The following GLI3 variants were observed in gnomAD, a reference collection of about 807,000 sequenced individuals.
GLI3 encodes transcription activator GLI3.
Under a neutral mutation model 100.8 loss-of-function variants are expected in GLI3, and 20 were observed. The ratio of observed to expected loss-of-function variants is 0.20; its 90% confidence interval spans 0.14 to 0.29. The LOEUF is 0.29. Ranked by LOEUF, GLI3 falls within the 10% of genes least tolerant of loss-of-function variation. The pLI is 1.00. For synonymous variants in GLI3, 938 were observed against 860.5 expected, an observed-to-expected ratio of 1.09 and a Z score of -1.58; for missense variants, 2,040 against 2,128.5, an observed-to-expected ratio of 0.96 and a Z score of 0.82.
intron 1 of GLI3, among the ~76,000 whole-genome samples, chr7:42,231,897 CAAA>C (rs59256693): frequency 0.088 from 11,098 of 125,922 alleles, 1,038 homozygotes; most frequent in African/African-American, 0.25. Context: ...ATGCAATCTT[CAAA>C]AAAAAAAAAA....
chr7:42,127,231 C>A (rs1786156326), intron 3 of GLI3, among the ~76,000 whole-genome samples: 1 of 152,224 alleles, frequency 6.6e-6, no homozygotes, highest in African/African-American at 2.4e-5. Context: ...CAGAGCTGAT[C>A]CCAGGCTTGC....
intron 2 of GLI3, among the ~76,000 whole-genome samples, chr7:42,200,673 C>T (rs1788020020): frequency 6.6e-6 from 1 of 152,144 alleles, no homozygotes; most frequent in Non-Finnish European, 1.5e-5. Flanking sequence ...TCATTTTGGA[C>T]AGGCTGGTCT....
chr7:42,098,010 T>A (rs1463985775), intron 3 of GLI3, among the ~76,000 whole-genome samples: 1 of 152,186 alleles, frequency 6.6e-6, no homozygotes, highest in Non-Finnish European at 1.5e-5. Flanking sequence ...GATCAGATTA[T>A]GCTCAGAGAG....
intron 2 of GLI3, among the ~76,000 whole-genome samples, chr7:42,194,892 G>A (rs1375517313): frequency 6.6e-6 from 1 of 150,774 alleles, no homozygotes. Flanking sequence ...TCAGCCTCCC[G>A]AGTAACTGGG....
At chr7:42,258,680 A>G (rs1260427456) in intron 1 of GLI3, among the ~76,000 whole-genome samples, 3 of 152,200 alleles carry the variant, frequency 2.0e-5, no homozygotes, top group African/African-American at 4.8e-5. Flanking sequence ...TTCTTGATTG[A>G]TGAATGGCCA....
intron 3 of GLI3, among the ~76,000 whole-genome samples, chr7:42,129,860 C>T (rs1291333326): frequency 1.3e-5 from 2 of 152,122 alleles, no homozygotes; most frequent in East Asian, 3.9e-4. Flanking sequence ...TTACCGGACA[C>T]ACCCGTGACA....
At chr7:41,979,764 A>G (rs1480256439) in intron 10 of GLI3, among the ~76,000 whole-genome samples, 2 of 152,236 alleles carry the variant, frequency 1.3e-5, no homozygotes, top group Non-Finnish European at 2.9e-5. Context: ...TTGTGGGAAC[A>G]CTTTCTGAAG....
At position 42,216,393 on chromosome 7, in the gene GLI3, T is replaced by G. The variant is rs549014674; in HGVS notation, c.124+6737A>C. Among the ~76,000 whole-genome samples, 23 of 152,332 alleles carry G rather than the reference T, an allele frequency of 1.5e-4. No homozygotes were observed. In the South Asian group the frequency reaches 4.6e-3, roughly 30 times the overall value. ...TGAGGGATCTTTAGAGCATTCAAAG[T>G]ATTCTGTAGCATACTGCAGTGGTGG... On this transcript the variant is annotated intron_variant, in intron 2 of 14. Coordinates refer to ENST00000395925, the MANE Select transcript of GLI3 (RefSeq NM_000168.6).
chr7:42,243,504 C>T (rs1406738580), intron 1 of GLI3, among the ~76,000 whole-genome samples: 1 of 152,168 alleles, frequency 6.6e-6, no homozygotes, highest in Non-Finnish European at 1.5e-5. Context: ...ATCATTTCTC[C>T]ATCATTACTA....
In GLI3 at chr7:42,232,026, CTTAA is replaced by C. The variant is rs571934204; in HGVS notation, c.-43+4941_-43+4944del. ...GTAAAAGTGCACTTATCCCCCATTA[CTTAA>C]TTAATTTAATTTTGTGGCATAAGAA... On this transcript the variant is annotated intron_variant, in intron 1 of 14. Coordinates refer to ENST00000395925, the MANE Select transcript of GLI3 (RefSeq NM_000168.6). Among the ~76,000 whole-genome samples the C allele has an allele frequency of 2.9e-3, 438 of 152,068 alleles. 3 individuals carry two copies. Among genetic ancestry groups the C allele is most frequent in the African/African-American group, 0.01 (418 of 41,486 alleles).
upstream of GLI3, among the ~76,000 whole-genome samples, chr7:42,237,433 G>A (rs949073261): frequency 3.3e-5 from 5 of 152,064 alleles, no homozygotes; most frequent in Non-Finnish European, 7.4e-5. Flanking sequence ...GTCCCATCCC[G>A]GCCTGGTGCC....
At chr7:42,179,707 G>A (rs1787552681) in intron 2 of GLI3, among the ~76,000 whole-genome samples, 1 of 152,062 alleles carries the variant, frequency 6.6e-6, no homozygotes, top group Non-Finnish European at 1.5e-5. Context: ...GGGGGTATGG[G>A]TGTGTGTATG....
At chr7:42,021,706 A>G (rs1452760887) in intron 10 of GLI3, among the ~76,000 whole-genome samples, 1 of 152,232 alleles carries the variant, frequency 6.6e-6, no homozygotes, top group Non-Finnish European at 1.5e-5. Flanking sequence ...CATTCCTTGC[A>G]AACTACAATG....
At chr7:42,099,659 T>C (rs554875537) in intron 3 of GLI3, among the ~76,000 whole-genome samples, 154 of 152,186 alleles carry the variant, frequency 1.0e-3, no homozygotes, top group African/African-American at 3.5e-3. Context: ...TTCTCCTGAG[T>C]AGCTGGGATG....
At chr7:42,153,009 C>T (rs1472528231) in intron 2 of GLI3, among the ~76,000 whole-genome samples, 1 of 152,202 alleles carries the variant, frequency 6.6e-6, no homozygotes, top group Non-Finnish European at 1.5e-5. Context: ...CCGAGTGAAA[C>T]ATGTTCAAAA....
At chr7:42,094,470 G>A (rs1394101289) in intron 3 of GLI3, among the ~76,000 whole-genome samples, 1 of 149,782 alleles carries the variant, frequency 6.7e-6, no homozygotes, top group South Asian at 2.1e-4. Flanking sequence ...GCATGGTGGT[G>A]GGCGCCTGTA....
At chr7:42,226,522 T>A (rs1035159253) in intron 1 of GLI3, among the ~76,000 whole-genome samples, 1 of 152,234 alleles carries the variant, frequency 6.6e-6, no homozygotes, top group African/African-American at 2.4e-5. Flanking sequence ...ATTAATGGTC[T>A]TAAAGAATAC....
rs138467139 is a variant in GLI3 at position 42,205,122 on chromosome 7, G to T, written c.124+18008C>A. On this transcript the variant is annotated intron_variant, in intron 2 of 14. Transcript: ENST00000395925. ...CGGTGACACTTCTTATCTTTGAAGG[G>T]ATGTATAGCCTGCTATGTGGTGTTC... Among the ~76,000 whole-genome samples, 57 of 152,264 alleles carry T rather than the reference G, an allele frequency of 3.7e-4. 3 individuals are homozygous for T. The highest frequency in any genetic ancestry group is 1.3e-3 in the African/African-American group (53 of 41,548).
chr7:42,054,486 C>T (rs551755609), intron 4 of GLI3, among the ~76,000 whole-genome samples: 3 of 152,196 alleles, frequency 2.0e-5, no homozygotes, highest in East Asian at 1.9e-4. Context: ...CATGACTGCT[C>T]CAACTACTGG....
Sources: allele counts gnomAD v4.1 joint callset (sites outside exome capture counted in the v4.1 genomes callset), GRCh38; gene constraint gnomAD v4.1.1; transcripts MANE v1.5; gene names NCBI Gene and HGNC (gene_info 2026-07-23, HGNC 2026-07-21).